The following SLC9A8 variants were observed in gnomAD, a reference collection of about 807,000 sequenced individuals.
SLC9A8 encodes solute carrier family 9 member A8.
SLC9A8 carries 48 observed loss-of-function variants against 66.6 expected under a neutral mutation model. That is an observed-to-expected ratio of 0.72 (90% CI 0.57 to 0.92). The LOEUF (loss-of-function observed/expected upper bound fraction) is 0.92, where lower values mean the gene tolerates loss of function less well. Among genes scored for constraint, SLC9A8 ranks in the 40% least tolerant of loss-of-function variants. The pLI, the probability that SLC9A8 is intolerant of heterozygous loss-of-function variation, is 0.00. For missense variants in SLC9A8, 599 were observed against 747.3 expected (o/e 0.80, Z 2.31); for synonymous variants, 274 against 282.6 (o/e 0.97, Z 0.31).
intron 1 of SLC9A8, among the ~76,000 whole-genome samples, chr20:49,813,210 C>G (rs1292361955): frequency 1.3e-5 from 2 of 152,236 alleles, no homozygotes. Context: ...GCGGAAAATA[C>G]AAACCATATT....
intron 13 of SLC9A8, among the ~76,000 whole-genome samples, chr20:49,882,464 G>T (rs548444564): frequency 6.6e-6 from 1 of 152,092 alleles, no homozygotes; most frequent in Non-Finnish European, 1.5e-5. Context: ...GTCCCCCTTC[G>T]CTGACCCCTC....
At chr20:49,862,405 G>A (rs1406763115) in intron 8 of SLC9A8, among the ~76,000 whole-genome samples, 1 of 152,116 alleles carries the variant, frequency 6.6e-6, no homozygotes, top group Non-Finnish European at 1.5e-5. Context: ...GGGATTACAG[G>A]CGTGCACCAC....
chr20:49,851,369 C>T lies in SLC9A8; in HGVS notation c.569+525C>T, dbSNP rs2088244904. The stretch of plus-strand genomic sequence containing the variant: ...TTCCCATGAGCCCCATCCAGGATTT[C>T]CCAGAATTGCATAGTGAGAAGCAAC... On this transcript the variant is annotated intron_variant, in intron 7 of 15. Transcript: ENST00000361573. 2.6e-5 allele frequency among the ~76,000 whole-genome samples: 4 copies of T among 152,166 alleles called. No homozygotes were observed. In the South Asian group the frequency reaches 8.3e-4, roughly 32 times the overall value.
intron 3 of SLC9A8, among the ~76,000 whole-genome samples, chr20:49,827,424 G>A (rs973838008): frequency 2.0e-5 from 3 of 151,100 alleles, no homozygotes; most frequent in Admixed American, 6.6e-5. Context: ...CCAACATGGC[G>A]AAACCCCATC....
At chr20:49,885,576 G>A (rs2089859019) in intron 14 of SLC9A8, among the ~76,000 whole-genome samples, 1 of 152,250 alleles carries the variant, frequency 6.6e-6, no homozygotes, top group Admixed American at 6.5e-5. Flanking sequence ...GCCAGGTGGT[G>A]CTGCTGCAGC....
intron 4 of SLC9A8, among the ~76,000 whole-genome samples, chr20:49,841,323 A>T (rs2146568373): frequency 6.6e-6 from 1 of 151,790 alleles, no homozygotes; most frequent in East Asian, 1.9e-4. Context: ...AAAAAAAAAA[A>T]AAAAAAGTTG....
chr20:49,829,996 C>G (rs1036683753), intron 3 of SLC9A8: 3 of 629,200 alleles, frequency 4.8e-6, no homozygotes, highest in African/African-American at 1.8e-5. Flanking sequence ...AGTCCGGTAC[C>G]TTGAAGTGGA....
chr20:49,828,483 A>G (rs1485367636), intron 3 of SLC9A8, among the ~76,000 whole-genome samples: 1 of 150,866 alleles, frequency 6.6e-6, no homozygotes, highest in Non-Finnish European at 1.5e-5. Context: ...TTGGTCTCCC[A>G]AAGTGTTGGA....
intron 7 of SLC9A8, among the ~76,000 whole-genome samples, chr20:49,855,168 A>C (rs191058647): frequency 1.3e-5 from 2 of 152,282 alleles, no homozygotes; most frequent in African/African-American, 4.8e-5. Flanking sequence ...TCTAAGCAAA[A>C]GTCTCCCTTC....
At chr20:49,846,356 C>A (rs918524045) in intron 5 of SLC9A8, among the ~76,000 whole-genome samples, 15 of 151,604 alleles carry the variant, frequency 9.9e-5, no homozygotes, top group African/African-American at 3.6e-4. Context: ...AAGTTTAGGC[C>A]AGTCCTTGGA....
intron 1 of SLC9A8, among the ~76,000 whole-genome samples, chr20:49,814,471 T>G (rs1402079853): frequency 6.6e-6 from 1 of 152,030 alleles, no homozygotes; most frequent in Non-Finnish European, 1.5e-5. Context: ...ACATACGCAG[T>G]GGAGTGGGTA....
chr20:49,880,985 TC>T lies in SLC9A8; in HGVS notation c.1222del (p.Arg408GlyfsTer9). On this transcript the variant is annotated frameshift_variant, in exon 13 of 16. Coordinates refer to ENST00000361573, the MANE Select transcript of SLC9A8 (RefSeq NM_015266.3). LOFTEE classifies it high-confidence loss of function. ...CCTCTTTCCTACCTCCTGAATTTCT[TC>T]CGGGATCATAAAATCACACCGAAGA... ...IFPLSYLLNF[F>X]RDHKITPKMM... 1 of 1,614,072 alleles carries T rather than the reference TC, an allele frequency of 6.2e-7. No individual in the cohort carries two copies. The highest frequency in any genetic ancestry group is 2.2e-5 in the East Asian group (1 of 44,886).
chr20:49,856,137 C>G (rs1052810113), intron 8 of SLC9A8, among the ~76,000 whole-genome samples: 2 of 152,084 alleles, frequency 1.3e-5, no homozygotes, highest in African/African-American at 4.8e-5. Context: ...GTTTCTGAGC[C>G]CAGCTTGTCA....
chr20:49,812,844 C>T lies in SLC9A8; in HGVS notation c.-79C>T. ...CCGCCTCCCGCTCGCCCGCCCGCGC[C>T]TCCAGCGGAAGCCGGAAGCAAAAGC... is the stretch of plus-strand genomic sequence containing the variant. On this transcript the variant is annotated 5_prime_UTR_variant, in exon 1 of 16. Coordinates refer to ENST00000361573, the MANE Select transcript of SLC9A8 (RefSeq NM_015266.3). The T allele has an allele frequency of 2.7e-6, 4 of 1,469,470 alleles. No homozygotes were observed. The highest frequency in any genetic ancestry group is 3.6e-6 in the Non-Finnish European group (4 of 1,106,128). The allele number at this position is 1,469,470 out of a possible 1,614,324, so 91.0% of individuals were successfully genotyped here. A position where few individuals can be genotyped will look rare whatever the true frequency, so the allele number is the denominator to read the frequency against.
At chr20:49,852,377 C>G (rs1168484609) in intron 7 of SLC9A8, among the ~76,000 whole-genome samples, 2 of 152,166 alleles carry the variant, frequency 1.3e-5, no homozygotes, top group African/African-American at 2.4e-5. Context: ...ACAACTTGCT[C>G]AATTTTTCAC....
intron 12 of SLC9A8, among the ~76,000 whole-genome samples, 160 bp downstream of exon 12, chr20:49,878,223 A>G (rs1230891341): frequency 6.6e-6 from 1 of 152,076 alleles, no homozygotes; most frequent in Non-Finnish European, 1.5e-5. Context: ...AAAAATCACA[A>G]ACATACAGTA....
intron 3 of SLC9A8, 103 bp from the exon 4 acceptor site, chr20:49,839,438 G>A (rs1336751373): frequency 3.0e-6 from 2 of 668,736 alleles, no homozygotes; most frequent in Non-Finnish European, 5.1e-6. Context: ...CAACCACCTT[G>A]GGCACATGTC....
Position 49,886,663 on chromosome 20 carries a change from T to C in SLC9A8, c.1492-89T>C. Reference sequence around the variant, plus strand: ...CAAGTGGAGTTAGGGTTGGGGACACTGGCGGCCTGGGTGGTGTGGGGGCTT... The same window carrying C: ...CAAGTGGAGTTAGGGTTGGGGACACCGGCGGCCTGGGTGGTGTGGGGGCTT... On this transcript the variant is annotated intron_variant, in intron 14 of 15. Transcript: ENST00000361573. This position sits in a 1 kb window ranked among gnomAD's most constrained non-coding sequence, Gnocchi z 4.8. 2 of 1,487,032 alleles carry C rather than the reference T, an allele frequency of 1.3e-6. No individual in the cohort carries two copies. The highest frequency in any genetic ancestry group is 2.3e-5 in the East Asian group (1 of 43,728). The allele number at this position is 1,487,032 out of a possible 1,614,324, so 92.1% of individuals were successfully genotyped here. A position where few individuals can be genotyped will look rare whatever the true frequency, so the allele number is the denominator to read the frequency against.
intron 7 of SLC9A8, among the ~76,000 whole-genome samples, chr20:49,854,361 C>A (rs1306648323): frequency 6.6e-6 from 1 of 151,688 alleles, no homozygotes; most frequent in Non-Finnish European, 1.5e-5. Context: ...AGGCAGCAGG[C>A]TTGCTCCCAC....
Sources: gnomAD v4.1 joint callset for allele counts (sites outside exome capture counted in the v4.1 genomes callset) on GRCh38, gnomAD v4.1.1 for gene constraint, Gnocchi (gnomAD v3.1) non-coding constraint, MANE v1.5 for transcripts, NCBI Gene and HGNC (gene_info 2026-07-23, HGNC 2026-07-21) for gene names.